RARB: variants seen among roughly 807,000 people sequenced by gnomAD.
The protein encoded by RARB is HBV-activated protein.
A neutral mutation model predicts 51.9 loss-of-function variants in RARB; 17 were observed. The observed-to-expected ratio is 0.33, with a 90% CI of 0.22 to 0.49. RARB has a LOEUF of 0.49. Ranked by LOEUF, RARB falls within the 20% of genes least tolerant of loss-of-function variation. The pLI, the probability that RARB is intolerant of heterozygous loss-of-function variation, is 0.99. For synonymous variants in RARB, 215 were observed against 195.4 expected (o/e 1.10, Z -0.84); for missense variants, 369 against 550.8 (o/e 0.67, Z 3.30).
chr3:24,958,287 T>C lies in RARB; in HGVS notation c.-380+99535T>C, dbSNP rs112273138. Among the ~76,000 whole-genome samples, 181 of 135,074 alleles carry C rather than the reference T, an allele frequency of 1.3e-3. No individual in the cohort carries two copies. The Middle Eastern group carries it at 0.023, about 17-fold the overall frequency. 88.6% of individuals were successfully genotyped at this position (135,074 alleles called of 152,430 possible). A position where few individuals can be genotyped will look rare whatever the true frequency, so the allele number is the denominator to read the frequency against. On this transcript the variant is annotated intron_variant, in intron 2 of 11. Transcript: ENST00000383772. Reference sequence around the variant, plus strand: ...TTTTTTTTTTTTTTTTTTTTTTTTTTTTAGCTGTCATGGAGCCCTCAGGGA... The same window carrying C: ...TTTTTTTTTTTTTTTTTTTTTTTTTCTTAGCTGTCATGGAGCCCTCAGGGA...
chr3:24,901,606 A>T (rs1400542756), intron 2 of RARB, among the ~76,000 whole-genome samples: 1 of 152,206 alleles, frequency 6.6e-6, no homozygotes, highest in African/African-American at 2.4e-5. Flanking sequence ...CAATTCTTAA[A>T]AACATATAAA....
chr3:25,190,733 A>G (rs763187425), intron 5 of RARB, among the ~76,000 whole-genome samples: 8 of 152,146 alleles, frequency 5.3e-5, no homozygotes, highest in Non-Finnish European at 1.2e-4. Context: ...CCCCACTTCT[A>G]GATTTTTTTC....
intron 2 of RARB, among the ~76,000 whole-genome samples, chr3:24,970,996 T>C (rs561833853): frequency 6.6e-6 from 1 of 152,156 alleles, no homozygotes; most frequent in South Asian, 2.1e-4. Context: ...GTTCTTCATC[T>C]TGGTGCTCCC....
At chr3:25,322,039 T>G (rs547195793) in intron 5 of RARB, among the ~76,000 whole-genome samples, 1 of 152,040 alleles carries the variant, frequency 6.6e-6, no homozygotes, top group Non-Finnish European at 1.5e-5. Flanking sequence ...AGACCACCTT[T>G]CCATGAAATA....
chr3:24,839,479 T>G (rs893234053), intron 1 of RARB, among the ~76,000 whole-genome samples: 1 of 150,820 alleles, frequency 6.6e-6, no homozygotes, highest in Non-Finnish European at 1.5e-5. Context: ...GTGAGAGGAC[T>G]GCTTGAACCC....
intron 2 of RARB, among the ~76,000 whole-genome samples, chr3:25,465,732 C>T (rs1369337550): frequency 6.6e-6 from 1 of 151,874 alleles, no homozygotes; most frequent in Non-Finnish European, 1.5e-5. Context: ...TCCAGGTGAG[C>T]GATGGCAGTT....
chr3:25,292,421 G>C (rs1327389841), intron 5 of RARB, among the ~76,000 whole-genome samples: 1 of 152,126 alleles, frequency 6.6e-6, no homozygotes, highest in African/African-American at 2.4e-5. Context: ...TGAATGGTGA[G>C]CTTTCTCTCA....
chr3:24,967,896 T>C (rs1696311839), intron 2 of RARB, among the ~76,000 whole-genome samples: 1 of 152,172 alleles, frequency 6.6e-6, no homozygotes, highest in African/African-American at 2.4e-5. Context: ...ATTGTAACTG[T>C]AAAAGGCAGA....
chr3:25,569,565 C>T (rs1202977872), intron 3 of RARB, among the ~76,000 whole-genome samples, 193 bp from the exon 4 acceptor site: 1 of 152,230 alleles, frequency 6.6e-6, no homozygotes, highest in East Asian at 1.9e-4. Context: ...GAAAGACAAA[C>T]CTAGCTCTCT....
At chr3:25,221,179 G>A (rs1278223466) in intron 5 of RARB, among the ~76,000 whole-genome samples, 2 of 152,028 alleles carry the variant, frequency 1.3e-5, no homozygotes, top group Non-Finnish European at 2.9e-5. Context: ...GATACTAAAG[G>A]CAAAAGGAAT....
intron 5 of RARB, among the ~76,000 whole-genome samples, chr3:25,341,048 G>A (rs1423928982): frequency 1.3e-5 from 2 of 152,150 alleles, no homozygotes; most frequent in East Asian, 1.9e-4. Flanking sequence ...GTGTTCATTG[G>A]AAAGGACATG....
chr3:25,581,212 C>A (rs981763250), intron 5 of RARB, among the ~76,000 whole-genome samples: 1 of 152,204 alleles, frequency 6.6e-6, no homozygotes, highest in African/African-American at 2.4e-5. Context: ...ATTATAGTAA[C>A]TGTATTTGCT....
chr3:25,428,513 C>A lies in RARB; in HGVS notation c.-219C>A. 1 of 1,265,892 alleles carries A rather than the reference C, an allele frequency of 7.9e-7. No individual in the cohort carries two copies. Among genetic ancestry groups the A allele is most frequent in the Non-Finnish European group, 9.9e-7 (1 of 1,006,700 alleles). The allele number at this position is 1,265,892 out of a possible 1,614,324, so 78.4% of individuals were successfully genotyped here. ...AACCCCCCGCCCCGGCTGGATTGGCCGAGCAAGCCTGGAAAATGGTAAATG... is the reference window on the plus strand; with the variant it reads ...AACCCCCCGCCCCGGCTGGATTGGCAGAGCAAGCCTGGAAAATGGTAAATG... On this transcript the variant is annotated 5_prime_UTR_variant, in exon 1 of 8. Coordinates refer to ENST00000330688, the MANE Select transcript of RARB (RefSeq NM_000965.5).
chr3:25,159,539 C>T (rs112159462), intron 4 of RARB, among the ~76,000 whole-genome samples: 1 of 152,012 alleles, frequency 6.6e-6, no homozygotes, highest in African/African-American at 2.4e-5. Context: ...CTATGACTGT[C>T]TGGAAGGAAA....
intron 5 of RARB, among the ~76,000 whole-genome samples, chr3:25,273,079 G>A (rs1205116904): frequency 6.6e-6 from 1 of 152,032 alleles, no homozygotes; most frequent in Non-Finnish European, 1.5e-5. Flanking sequence ...AGATAGCCCT[G>A]AGCCTACACA....
chr3:25,430,972 A>C (rs1396210392), intron 1 of RARB, among the ~76,000 whole-genome samples: 1 of 147,776 alleles, frequency 6.8e-6, no homozygotes, highest in African/African-American at 2.5e-5. Flanking sequence ...TTTTTTTAGC[A>C]TAAATAAAAC....
At chr3:25,303,343 T>C (rs1704084079) in intron 5 of RARB, among the ~76,000 whole-genome samples, 1 of 152,216 alleles carries the variant, frequency 6.6e-6, no homozygotes, top group Admixed American at 6.5e-5. Flanking sequence ...AACAGTGAAC[T>C]CCTGTTGACT....
At chr3:24,950,469 A>G (rs992402102) in intron 2 of RARB, among the ~76,000 whole-genome samples, 5 of 152,198 alleles carry the variant, frequency 3.3e-5, no homozygotes, top group Non-Finnish European at 7.3e-5. Flanking sequence ...ACACTTTAAT[A>G]TATCCAGAAC....
intron 2 of RARB, among the ~76,000 whole-genome samples, chr3:24,882,844 C>T (rs1703193424): frequency 6.6e-6 from 1 of 152,156 alleles, no homozygotes; most frequent in Non-Finnish European, 1.5e-5. Context: ...TCTCCTAACC[C>T]ATGATTGGTT....
Sources: allele counts gnomAD v4.1 joint callset (sites outside exome capture counted in the v4.1 genomes callset), GRCh38; gene constraint gnomAD v4.1.1; transcripts MANE v1.5; gene names NCBI Gene and HGNC (gene_info 2026-07-23, HGNC 2026-07-21).